MAP4: variants seen among roughly 807,000 people sequenced by gnomAD.
MAP4 encodes the protein microtubule-associated protein 4.
In MAP4, 76 loss-of-function variants were observed where a neutral mutation model predicts 170.2. That is an observed-to-expected ratio of 0.45 (90% CI 0.37 to 0.54). The LOEUF (loss-of-function observed/expected upper bound fraction) is 0.54, where lower values mean the gene tolerates loss of function less well. Among genes scored for constraint, MAP4 ranks in the 20% least tolerant of loss-of-function variants. The pLI, the probability that MAP4 is intolerant of heterozygous loss-of-function variation, is 0.00. For synonymous variants in MAP4, 909 were observed against 994.5 expected, an observed-to-expected ratio of 0.91 and a Z score of 1.62; for missense variants, 2,506 against 2,748.0, an observed-to-expected ratio of 0.91 and a Z score of 1.97.
At chr3:47,918,280 A>G (rs6772396) in intron 6 of MAP4, among the ~76,000 whole-genome samples, 58,489 of 151,338 alleles carry the variant, frequency 0.39, 12,629 homozygotes, top group African/African-American at 0.59. Context: ...CACCGTGCCT[A>G]GACCAATTTT....
chr3:48,087,786 A>G (rs1483683286), intron 1 of MAP4, among the ~76,000 whole-genome samples: 2 of 149,492 alleles, frequency 1.3e-5, no homozygotes, highest in Non-Finnish European at 3.0e-5. Flanking sequence ...CACTGCAAGA[A>G]ACACTGCAAT....
At chr3:48,077,665 C>A (rs2100144659) in intron 1 of MAP4, among the ~76,000 whole-genome samples, 1 of 151,924 alleles carries the variant, frequency 6.6e-6, no homozygotes, top group South Asian at 2.1e-4. Context: ...AAAGGTTAAA[C>A]ATAATTAACA....
chr3:48,001,011 C>T (rs2100098847), intron 1 of MAP4, among the ~76,000 whole-genome samples: 1 of 152,176 alleles, frequency 6.6e-6, no homozygotes, highest in African/African-American at 2.4e-5. Context: ...CAAATACTTC[C>T]AGACCCTGAA....
intron 10 of MAP4, among the ~76,000 whole-genome samples, chr3:47,882,144 T>C (rs924366292): frequency 6.6e-6 from 1 of 152,000 alleles, no homozygotes; most frequent in Non-Finnish European, 1.5e-5. Context: ...CCGGGCGTTG[T>C]GGTGGGCGCC....
chr3:47,891,570 A>T, intron 10 of MAP4: 1 of 1,532,382 alleles, frequency 6.5e-7, no homozygotes, highest in South Asian at 1.2e-5. Flanking sequence ...GGGGGAACTG[A>T]GAGGTGAGAA....
intron 1 of MAP4, among the ~76,000 whole-genome samples, chr3:48,031,010 T>C (rs1038915888): frequency 3.9e-5 from 6 of 152,048 alleles, no homozygotes; most frequent in Non-Finnish European, 7.4e-5. Flanking sequence ...TACATGTGCA[T>C]AGCACATAGT....
intron 1 of MAP4, among the ~76,000 whole-genome samples, chr3:48,023,179 C>G (rs1428368812): frequency 1.3e-5 from 2 of 152,026 alleles, no homozygotes; most frequent in Non-Finnish European, 2.9e-5. Context: ...CAATTAAAAA[C>G]AGGGGAGGGG....
chr3:48,062,935 AAAAAG>A (rs1271226478), intron 1 of MAP4, among the ~76,000 whole-genome samples: 2 of 151,792 alleles, frequency 1.3e-5, no homozygotes, highest in Non-Finnish European at 2.9e-5. Flanking sequence ...CAAAAAAAAA[AAAAAG>A]AAAGAAAATG....
chr3:47,878,176 G>A (rs777242447), intron 10 of MAP4, among the ~76,000 whole-genome samples: 7 of 152,136 alleles, frequency 4.6e-5, no homozygotes, highest in Non-Finnish European at 7.4e-5. Context: ...ACTGTGAAAT[G>A]TATAACCTTG....
rs765209336 is a variant in MAP4 at position 47,875,866 on chromosome 3, G to C, written c.5576C>G (p.Thr1859Arg). ...LATTQPAKTS[T>R]SKAKTQPTSL... ...AGTGGGCTGTGTTTTGGCTTTCGAT[G>C]TTGAAGTCTTTGCAGGTTGAGTGGT... Residue 1859 changes from threonine (T) to arginine (R), a missense_variant, in exon 12 of 21, where the codon ACA (threonine) becomes AGA (arginine). Thr to Arg is a moderately conservative substitution (Grantham distance 71, BLOSUM62 -1). Transcript: ENST00000683076. 1 of 1,612,796 alleles carries C rather than the reference G, an allele frequency of 6.2e-7. No individual in the cohort carries two copies.
intron 12 of MAP4, 132 bp downstream of exon 12, chr3:47,875,553 T>C: frequency 1.2e-6 from 1 of 848,862 alleles, no homozygotes; most frequent in Admixed American, 2.5e-5. Flanking sequence ...CAAATCACCC[T>C]CTCCCCCATT....
At chr3:47,866,920 C>T (rs552463750) in intron 17 of MAP4, among the ~76,000 whole-genome samples, 3 of 152,312 alleles carry the variant, frequency 2.0e-5, no homozygotes, top group South Asian at 2.1e-4. Context: ...ATCCCAGGAA[C>T]GGACTCCAGA....
At chr3:47,920,419 T>C (rs890554343) in intron 5 of MAP4, among the ~76,000 whole-genome samples, 1 of 152,148 alleles carries the variant, frequency 6.6e-6, no homozygotes, top group Non-Finnish European at 1.5e-5. Flanking sequence ...ATTTTTGTAT[T>C]TTTAGTAGAG....
At chr3:48,052,431 G>A (rs763150547) in intron 1 of MAP4, among the ~76,000 whole-genome samples, 1 of 151,978 alleles carries the variant, frequency 6.6e-6, no homozygotes, top group Non-Finnish European at 1.5e-5. Flanking sequence ...TATATCGGTC[G>A]GGCTGGTCTT....
At chr3:47,930,718 G>A (rs1047033476) in intron 3 of MAP4, among the ~76,000 whole-genome samples, 10 of 151,640 alleles carry the variant, frequency 6.6e-5, no homozygotes, top group Non-Finnish European at 1.2e-4. Flanking sequence ...CACAAGGTCA[G>A]GAAATCGAGA....
In MAP4 at chr3:48,054,078, C is replaced by A. The variant is rs1025925070; in HGVS notation, c.-20+34695G>T. Among the ~76,000 whole-genome samples, 16 of 151,602 alleles carry A rather than the reference C, an allele frequency of 1.1e-4. No individual in the cohort carries two copies. In the East Asian group the frequency reaches 3.1e-3, roughly 30 times the overall value. ...CAAAACTTTGGAAGGCCGAGGCAGG[C>A]AGATCATGAGGTTAAGAGACCAAGA... On this transcript the variant is annotated intron_variant, in intron 1 of 18. Coordinates refer to the MAP4 transcript ENST00000360240.
At chr3:47,894,459 T>A (rs889188091) in intron 10 of MAP4, among the ~76,000 whole-genome samples, 2 of 151,988 alleles carry the variant, frequency 1.3e-5, no homozygotes, top group Non-Finnish European at 2.9e-5. Context: ...GGTGGGTGCC[T>A]GTAGTCCCAG....
At chr3:47,947,600 C>A (rs143353744) in intron 3 of MAP4, among the ~76,000 whole-genome samples, 2 of 152,082 alleles carry the variant, frequency 1.3e-5, no homozygotes, top group East Asian at 3.9e-4. Flanking sequence ...ACTGCCTGAG[C>A]TCACGAGTTC....
rs1335919261 is a variant in MAP4 at position 47,891,555 on chromosome 3, C to A, written c.5434+11395G>T. ...TCAGGGTACTTATCTGCAAGGTTGA[C>A]AGCTGGGGGAACTGAGAGGTGAGAA... On this transcript the variant is annotated intron_variant, in intron 10 of 20. Coordinates refer to ENST00000683076, the MANE Select transcript of MAP4 (RefSeq NM_001385682.1). The A allele has an allele frequency of 3.3e-6, 5 of 1,528,566 alleles. No homozygotes were observed. In the Admixed American group the frequency reaches 7.9e-5, roughly 24 times the overall value. 94.7% of individuals were successfully genotyped at this position (1,528,566 alleles called of 1,614,324 possible).
Sources: gnomAD v4.1 joint callset for allele counts (sites outside exome capture counted in the v4.1 genomes callset) on GRCh38, gnomAD v4.1.1 for gene constraint, MANE v1.5 for transcripts, NCBI Gene and HGNC (gene_info 2026-07-23, HGNC 2026-07-21) for gene names.